PCED1B: variants seen among roughly 807,000 people sequenced by gnomAD.
The protein encoded by PCED1B is PC-esterase domain-containing protein 1B.
For synonymous variants in PCED1B, 251 were observed against 246.1 expected (o/e 1.02, Z -0.19); for missense variants, 573 against 573.9 (o/e 1.00, Z 0.02).
chr12:47,156,687 A>C (rs956865562), intron 2 of PCED1B, among the ~76,000 whole-genome samples: 2 of 151,916 alleles, frequency 1.3e-5, no homozygotes, highest in African/African-American at 4.8e-5. Context: ...CCTTTCCTCC[A>C]TTCAGTATGG....
chr12:47,131,669 ACTT>A (rs1940131370), intron 2 of PCED1B, among the ~76,000 whole-genome samples: 2 of 114,174 alleles, frequency 1.8e-5, no homozygotes, highest in Non-Finnish European at 3.2e-5. Context: ...GTCATGTTTT[ACTT>A]CTTTTTTTTT....
At chr12:47,147,555 C>T (rs1394472071) in intron 2 of PCED1B, among the ~76,000 whole-genome samples, 1 of 152,066 alleles carries the variant, frequency 6.6e-6, no homozygotes, top group Non-Finnish European at 1.5e-5. Context: ...CTATTGATAT[C>T]TATTTACCAT....
chr12:47,203,119 G>A (rs976425713), intron 2 of PCED1B, among the ~76,000 whole-genome samples: 29 of 151,686 alleles, frequency 1.9e-4, no homozygotes, highest in South Asian at 4.2e-4. Flanking sequence ...ACAGGCAGCC[G>A]CCACCATGCC....
intron 1 of PCED1B, among the ~76,000 whole-genome samples, chr12:47,094,838 T>C (rs1373458624): frequency 1.3e-5 from 2 of 152,130 alleles, no homozygotes; most frequent in East Asian, 1.9e-4. Context: ...CAGTGTTTTT[T>C]ATTCCTTCCT....
At chr12:47,100,910 A>G (rs1006650635) in intron 1 of PCED1B, among the ~76,000 whole-genome samples, 4 of 152,086 alleles carry the variant, frequency 2.6e-5, no homozygotes, top group African/African-American at 7.2e-5. Context: ...TCTATTAAAA[A>G]TAAAAAAAAT....
chr12:47,119,750 G>A (rs942208601), intron 2 of PCED1B, among the ~76,000 whole-genome samples: 6 of 152,062 alleles, frequency 3.9e-5, no homozygotes, highest in Non-Finnish European at 5.9e-5. Flanking sequence ...AGGTTGAGGC[G>A]TGTGGATCAT....
chr12:47,142,327 C>T (rs999552763), intron 2 of PCED1B, among the ~76,000 whole-genome samples: 2 of 152,152 alleles, frequency 1.3e-5, no homozygotes, highest in Admixed American at 1.3e-4. Context: ...AACAAGAGGT[C>T]TTTACCTGCT....
chr12:47,236,233 G>C lies in PCED1B; in HGVS notation c.1170G>C (p.Gln390His). 1.2e-6 allele frequency: 2 copies of C among 1,614,124 alleles called. No homozygotes were observed. The highest frequency in any genetic ancestry group is 2.2e-5 in the South Asian group (2 of 91,080). ...PMPFFPTPRY[Q>H]RPAPVVHRGF... ...CCTTCTTCCCCACACCCCGTTATCA[G>C]CGGCCTGCCCCAGTGGTACATAGGG... Residue 390 changes from glutamine to histidine, a missense_variant, in exon 4 of 4, where the codon CAG becomes CAC. Coordinates refer to ENST00000546455, the MANE Select transcript of PCED1B (RefSeq NM_138371.3).
At chr12:47,131,670 C>CCTCTTTTTTTTTTT (rs1940131487) in intron 2 of PCED1B, among the ~76,000 whole-genome samples, 1 of 115,300 alleles carries the variant, frequency 8.7e-6, no homozygotes, top group African/African-American at 5.7e-5. Flanking sequence ...TCATGTTTTA[C>CCTCTTTTTTTTTTT]TTCTTTTTTT....
intron 2 of PCED1B, chr12:47,210,420 A>G (rs1005967574): frequency 6.6e-6 from 1 of 152,216 alleles, no homozygotes; most frequent in East Asian, 1.9e-4. Context: ...ATTAAACTAC[A>G]CCAGATTCAG....
At chr12:47,190,993 C>T (rs114499258) in intron 2 of PCED1B, among the ~76,000 whole-genome samples, 3,001 of 152,246 alleles carry the variant, frequency 0.02, 79 homozygotes, top group African/African-American at 0.056. Context: ...AAAGAAAAAC[C>T]AGTTCATTAA....
At chr12:47,102,767 A>G (rs1454928452) in intron 1 of PCED1B, among the ~76,000 whole-genome samples, 2 of 152,216 alleles carry the variant, frequency 1.3e-5, no homozygotes, top group East Asian at 1.9e-4. Context: ...GAGGCTTAGC[A>G]ATGACGTATA....
chr12:47,157,993 T>G (rs1177581975), intron 2 of PCED1B, among the ~76,000 whole-genome samples: 1 of 152,278 alleles, frequency 6.6e-6, no homozygotes, highest in East Asian at 1.9e-4. Flanking sequence ...AAAGGTTGAA[T>G]AATTTTCAAT....
At chr12:47,135,847 T>G (rs1461162694) in intron 2 of PCED1B, 3 of 457,372 alleles carry the variant, frequency 6.6e-6, no homozygotes, top group East Asian at 1.2e-4. Flanking sequence ...ATCTCATGGT[T>G]GGTGGAGCGG....
At chr12:47,204,032 G>A (rs549010539) in intron 2 of PCED1B, among the ~76,000 whole-genome samples, 149 of 152,052 alleles carry the variant, frequency 9.8e-4, no homozygotes, top group South Asian at 1.2e-3. Flanking sequence ...AGTAGCCTCC[G>A]CCTCCCAGGC....
chr12:47,185,744 G>A (rs77605835), intron 2 of PCED1B, among the ~76,000 whole-genome samples: 4,353 of 151,414 alleles, frequency 0.029, 215 homozygotes, highest in African/African-American at 0.099. Context: ...AGCTGAAATC[G>A]TGGTACTACT....
chr12:47,178,472 A>G (rs1941994127), intron 2 of PCED1B, among the ~76,000 whole-genome samples: 4 of 152,174 alleles, frequency 2.6e-5, no homozygotes, highest in Admixed American at 2.6e-4. Flanking sequence ...GTGAGGACAG[A>G]TAACATCAGG....
intron 2 of PCED1B, among the ~76,000 whole-genome samples, chr12:47,121,535 G>A (rs1054139744): frequency 1.3e-5 from 2 of 152,082 alleles, no homozygotes; most frequent in South Asian, 2.1e-4. Flanking sequence ...GTAGAAATAA[G>A]AATGCATGTT....
At chr12:47,117,411 T>C (rs1386924266) in intron 2 of PCED1B, among the ~76,000 whole-genome samples, 2 of 152,120 alleles carry the variant, frequency 1.3e-5, no homozygotes, top group African/African-American at 2.4e-5. Flanking sequence ...AGTGTTCTCA[T>C]TGTTCAATTC....
Sources: gnomAD v4.1 joint callset for allele counts (sites outside exome capture counted in the v4.1 genomes callset) on GRCh38, gnomAD v4.1.1 for gene constraint, MANE v1.5 for transcripts, NCBI Gene and HGNC (gene_info 2026-07-23, HGNC 2026-07-21) for gene names.